The following TRIM45 variants were observed in gnomAD, a reference collection of about 807,000 sequenced individuals.
TRIM45 encodes tripartite motif containing 45.
In TRIM45, 45 loss-of-function variants were observed where a neutral mutation model predicts 46.7. The ratio of observed to expected loss-of-function variants is 0.96; its 90% confidence interval spans 0.76 to 1.24. The LOEUF (loss-of-function observed/expected upper bound fraction) is 1.24. TRIM45 is among the 50% of genes most tolerant of loss of function. The pLI, the probability that TRIM45 is intolerant of heterozygous loss-of-function variation, is 0.00. For missense variants in TRIM45, 680 were observed against 728.4 expected (o/e 0.93, Z 0.77); for synonymous variants, 259 against 285.8 (o/e 0.91, Z 0.94).
chr1:117,121,305 C>T lies in TRIM45; in HGVS notation c.-104G>A, dbSNP rs1650619269. 2.2e-6 allele frequency: 3 copies of T among 1,390,164 alleles called. No homozygotes were observed. Among genetic ancestry groups the T allele is most frequent in the Admixed American group, 2.3e-5 (1 of 43,604 alleles). 86.1% of individuals were successfully genotyped at this position (1,390,164 alleles called of 1,614,324 possible). A position where few individuals can be genotyped will look rare whatever the true frequency, so the allele number is the denominator to read the frequency against. ...AAAGAGAAAGTCTCCAGAACTTGAA[C>T]AGAGACCATGGGGACTCCCTCGCTG... On this transcript the variant is annotated 5_prime_UTR_variant, in exon 1 of 6. Coordinates refer to ENST00000256649, the MANE Select transcript of TRIM45 (RefSeq NM_025188.4). This position sits in a 1 kb window ranked among gnomAD's most constrained non-coding sequence, Gnocchi z 4.2.
At position 117,116,825 on chromosome 1, in the gene TRIM45, A is replaced by T. The variant is rs1162143173; in HGVS notation, c.1223-80T>A. ...TCTCCATCTTGCTTTTTCTCTTCAG[A>T]ACAAAGGGTTGTACTTTACTGTAAC... On this transcript the variant is annotated intron_variant, in intron 2 of 5. Coordinates refer to ENST00000256649, the MANE Select transcript of TRIM45 (RefSeq NM_025188.4). The surrounding 1 kb of genome is among the most constrained non-coding windows in gnomAD (Gnocchi z 4.6). 200 of 1,588,708 alleles carry T rather than the reference A, an allele frequency of 1.3e-4. No homozygotes were observed. Among genetic ancestry groups the T allele is most frequent in the Non-Finnish European group, 2.3e-5 (27 of 1,163,608 alleles).
chr1:117,114,276 T>A (rs1014935552), intron 4 of TRIM45, among the ~76,000 whole-genome samples: 1 of 152,250 alleles, frequency 6.6e-6, no homozygotes, highest in African/African-American at 2.4e-5. Flanking sequence ...TAAGGATAAC[T>A]TTCGTTCTCT....
Position 117,113,246 on chromosome 1 carries a change from T to TC in TRIM45, c.1594+112dup. 1 of 1,437,996 alleles carries TC rather than the reference T, an allele frequency of 7.0e-7. No homozygotes were observed. The highest frequency in any genetic ancestry group is 9.4e-7 in the Non-Finnish European group (1 of 1,059,000). The allele number at this position is 1,437,996 out of a possible 1,614,324, so 89.1% of individuals were successfully genotyped here. ...TGTCTCTACAATCACAGACTGTGCT[T>TC]CCTAGAAACAGAGCCTAAGTCCAAA... On this transcript the variant is annotated intron_variant, in intron 5 of 5. Transcript: ENST00000256649. This position sits in a 1 kb window ranked among gnomAD's most constrained non-coding sequence, Gnocchi z 4.0.
Position 117,115,601 on chromosome 1 carries a change from C to A in TRIM45, c.1441G>T (p.Val481Phe), listed in dbSNP as rs1300653471. Residue 481 changes from valine (V) to phenylalanine (F), a missense_variant, in exon 4 of 6, where the codon GTC becomes TTC. Physicochemically the swap from Val to Phe is conservative, Grantham distance 50. Transcript: ENST00000256649. The surrounding 1 kb of genome is among the most constrained non-coding windows in gnomAD (Gnocchi z 4.2). Reference sequence around the variant, plus strand: ...TGCACATGCTGTTCTTTGATGCAGACCCACACAGTATAGACGCCAGGTTCC... The same window carrying A: ...TGCACATGCTGTTCTTTGATGCAGAACCACACAGTATAGACGCCAGGTTCC... The part of the protein sequence containing the change: ...PKEPGVYTVW[V>F]CIKEQHVQGS... The A allele has an allele frequency of 6.2e-7, 1 of 1,613,974 alleles. No homozygotes were observed. The highest frequency in any genetic ancestry group is 8.5e-7 in the Non-Finnish European group (1 of 1,179,968).
At position 117,116,615 on chromosome 1, in the gene TRIM45, C is replaced by T; in HGVS notation, c.1352+1G>A. 1 of 1,613,510 alleles carries T rather than the reference C, an allele frequency of 6.2e-7. No homozygotes were observed. Among genetic ancestry groups the T allele is most frequent in the African/African-American group, 1.3e-5 (1 of 74,984 alleles). ...ATGACACCTAATTGTGTCATACAAA[C>T]CTGTCTTTCTTATCTTTAGGGACAA... On this transcript the variant is annotated splice_donor_variant, in intron 3 of 5. Coordinates refer to ENST00000256649, the MANE Select transcript of TRIM45 (RefSeq NM_025188.4). LOFTEE classifies it high-confidence loss of function. The surrounding 1 kb of genome is among the most constrained non-coding windows in gnomAD (Gnocchi z 4.6).
chr1:117,113,417 G>A lies in TRIM45; in HGVS notation c.1536C>T (p.Thr512=). The change falls in exon 5 of 6, where the codon ACC becomes ACT. Residue 512 remains threonine (T), a synonymous_variant. Coordinates refer to ENST00000256649, the MANE Select transcript of TRIM45 (RefSeq NM_025188.4). This position sits in a 1 kb window ranked among gnomAD's most constrained non-coding sequence, Gnocchi z 4.0. ...RPHSGVFHCC[T]FCSSGGQKTA... ...TTTTCTGGCCCCCGCTGGAGCAGAAGGTGCAGCAGTGAAACACGCCTGAGT... is the reference window on the plus strand; with the variant it reads ...TTTTCTGGCCCCCGCTGGAGCAGAAAGTGCAGCAGTGAAACACGCCTGAGT... 1 of 1,612,532 alleles carries A rather than the reference G, an allele frequency of 6.2e-7. No homozygotes were observed. The highest frequency in any genetic ancestry group is 8.5e-7 in the Non-Finnish European group (1 of 1,179,968).
At position 117,116,315 on chromosome 1, in the gene TRIM45, C is replaced by T. The variant is rs1650396771; in HGVS notation, c.1352+301G>A. Among the ~76,000 whole-genome samples the T allele has an allele frequency of 6.6e-6, 1 of 151,638 alleles. No homozygotes were observed. The highest frequency in any genetic ancestry group is 2.1e-4 in the South Asian group (1 of 4,804). On this transcript the variant is annotated intron_variant, in intron 3 of 5. Coordinates refer to ENST00000256649, the MANE Select transcript of TRIM45 (RefSeq NM_025188.4). The surrounding 1 kb of genome is among the most constrained non-coding windows in gnomAD (Gnocchi z 4.6). ...CTGGCACAATCACAGCTCACTGCAA[C>T]CTCGACCTCCTGGGCTCAAGGGATC... is the stretch of plus-strand genomic sequence containing the variant.
chr1:117,122,963 T>G (rs34513357), upstream of TRIM45, among the ~76,000 whole-genome samples: 1 of 151,904 alleles, frequency 6.6e-6, no homozygotes, highest in African/African-American at 2.4e-5. Flanking sequence ...TCATTATCTG[T>G]TTCATGCTAT....
rs3841707 is a variant in TRIM45 at position 117,112,155 on chromosome 1, ATAAC to A, written c.*146_*149del. 248,133 of 793,512 alleles carry A rather than the reference ATAAC, an allele frequency of 0.31. 40,341 individuals are homozygous for A. The highest frequency in any genetic ancestry group is 0.37 in the Admixed American group (9,622 of 26,174). The allele number at this position is 793,512 out of a possible 1,614,324, so 49.2% of individuals were successfully genotyped here. A position where few individuals can be genotyped will look rare whatever the true frequency, so the allele number is the denominator to read the frequency against. On this transcript the variant is annotated 3_prime_UTR_variant, in exon 6 of 6. Transcript: ENST00000256649. ...AACCATCCACAAGTACAATCAGTGAATAACTAACAAAAGAGCACTTGAACTCCAG... is the reference window on the plus strand; with the variant it reads ...AACCATCCACAAGTACAATCAGTGAATAACAAAAGAGCACTTGAACTCCAG...
rs1050671376 is a variant in TRIM45 at position 117,117,310 on chromosome 1, T to G, written c.1223-565A>C. Reference sequence around the variant, plus strand: ...GGTCTATGGAAAGGCTTATGAAGAGTCTAAAAATCTGGAATTGTATGCACA... The same window carrying G: ...GGTCTATGGAAAGGCTTATGAAGAGGCTAAAAATCTGGAATTGTATGCACA... On this transcript the variant is annotated intron_variant, in intron 2 of 5. Coordinates refer to ENST00000256649, the MANE Select transcript of TRIM45 (RefSeq NM_025188.4). This position sits in a 1 kb window ranked among gnomAD's most constrained non-coding sequence, Gnocchi z 4.9. Among the ~76,000 whole-genome samples the G allele has an allele frequency of 6.6e-5, 10 of 152,044 alleles. No homozygotes were observed. Among genetic ancestry groups the G allele is most frequent in the African/African-American group, 2.4e-4 (10 of 41,486 alleles).
At position 117,118,668 on chromosome 1, in the gene TRIM45, T is replaced by C; in HGVS notation, c.588A>G (p.Ala196=). Residue 196 remains alanine (A), a synonymous_variant, in exon 2 of 6, where the codon GCA becomes GCG. Coordinates refer to ENST00000256649, the MANE Select transcript of TRIM45 (RefSeq NM_025188.4). The surrounding 1 kb of genome is among the most constrained non-coding windows in gnomAD (Gnocchi z 5.7). ...GKPILCPVHP[A]EELRLFCEFC... is the part of the protein sequence containing the mutation. Reference sequence around the variant, plus strand: ...ACTCACAGAACAGCCTCAGTTCCTCTGCAGGGTGAACAGGACACAGGATGG... The same window carrying C: ...ACTCACAGAACAGCCTCAGTTCCTCCGCAGGGTGAACAGGACACAGGATGG... 1 of 1,613,982 alleles carries C rather than the reference T, an allele frequency of 6.2e-7. No individual in the cohort carries two copies. Among genetic ancestry groups the C allele is most frequent in the Non-Finnish European group, 8.5e-7 (1 of 1,180,036 alleles).
rs531683437 is a variant in TRIM45 at position 117,115,528 on chromosome 1, G to C, written c.1467+47C>G. On this transcript the variant is annotated intron_variant, in intron 4 of 5. Coordinates refer to ENST00000256649, the MANE Select transcript of TRIM45 (RefSeq NM_025188.4). The surrounding 1 kb of genome is among the most constrained non-coding windows in gnomAD (Gnocchi z 4.2). ...TATGTGAAATGTCTCCAGATCCTAA[G>C]ACAGTAGAATCCAGGGAGCTCAGGG... The C allele has an allele frequency of 2.2e-5, 29 of 1,315,142 alleles. No individual in the cohort carries two copies. In the African/African-American group the frequency reaches 3.9e-4, roughly 18 times the overall value. The allele number at this position is 1,315,142 out of a possible 1,614,324, so 81.5% of individuals were successfully genotyped here.
chr1:117,120,603 T>A (rs1183691816), intron 1 of TRIM45, 111 bp downstream of exon 1: 1 of 1,456,818 alleles, frequency 6.9e-7, no homozygotes, highest in Non-Finnish European at 9.2e-7. Flanking sequence ...TCTTTGACCT[T>A]CCACGGTATT....
chr1:117,116,686 C>A lies in TRIM45; in HGVS notation c.1282G>T (p.Ala428Ser), dbSNP rs750775744. The A allele has an allele frequency of 5.0e-6, 8 of 1,614,092 alleles. No individual in the cohort carries two copies. The highest frequency in any genetic ancestry group is 5.9e-6 in the Non-Finnish European group (7 of 1,180,010). The part of the protein sequence containing the change: ...ASFTLLCKDA[A>S]GEIMGRGGDN... ...CCTCCCCTGCCCATGATTTCTCCTGCGGCATCCTTACAAAGCAGGGTGAAA... is the reference window on the plus strand; with the variant it reads ...CCTCCCCTGCCCATGATTTCTCCTGAGGCATCCTTACAAAGCAGGGTGAAA... The change falls in exon 3 of 6, where the codon GCA (alanine) becomes TCA (serine). Residue 428 changes from alanine (A) to serine (S), a missense_variant. By Grantham distance (99) the Ala-to-Ser change is moderately conservative. This residue lies in a region of TRIM45 where 322 missense variants were observed against 359.3 expected (regional missense o/e 0.90). Coordinates refer to ENST00000256649, the MANE Select transcript of TRIM45 (RefSeq NM_025188.4). The surrounding 1 kb of genome is among the most constrained non-coding windows in gnomAD (Gnocchi z 4.6).
chr1:117,119,873 A>G (rs1277966580), intron 1 of TRIM45, among the ~76,000 whole-genome samples: 1 of 152,226 alleles, frequency 6.6e-6, no homozygotes, highest in African/African-American at 2.4e-5. Flanking sequence ...TCACATAATT[A>G]CAAGTTAAAA....
At position 117,116,262 on chromosome 1, in the gene TRIM45, C is replaced by A. The variant is rs532078203; in HGVS notation, c.1352+354G>T. ...TTTTTTTTTTTTTTGGACCTGGGGT[C>A]TTGCTCTGTTGCCCAGGCTGGAGTG... is the stretch of plus-strand genomic sequence containing the variant. On this transcript the variant is annotated intron_variant, in intron 3 of 5. Coordinates refer to ENST00000256649, the MANE Select transcript of TRIM45 (RefSeq NM_025188.4). The surrounding 1 kb of genome is among the most constrained non-coding windows in gnomAD (Gnocchi z 4.6). Among the ~76,000 whole-genome samples, 1 of 149,762 alleles carries A rather than the reference C, an allele frequency of 6.7e-6. No individual in the cohort carries two copies. Among genetic ancestry groups the A allele is most frequent in the African/African-American group, 2.5e-5 (1 of 40,586 alleles).
chr1:117,120,843 T>C lies in TRIM45; in HGVS notation c.359A>G (p.Asp120Gly). The C allele has an allele frequency of 6.2e-7, 1 of 1,614,192 alleles. No homozygotes were observed. The highest frequency in any genetic ancestry group is 8.5e-7 in the Non-Finnish European group (1 of 1,180,040). ...ALTIDHLAVN[D>G]VMLESLRGEG... is the part of the protein sequence containing the mutation. ...CCCACGTAGGCTCTCCAGCATCACA[T>C]CATTCACGGCCAGGTGGTCTATGGT... Residue 120 changes from aspartate to glycine, a missense_variant, in exon 1 of 6, where the codon GAT (aspartate) becomes GGT (glycine). Asp to Gly is a moderately conservative substitution (Grantham distance 94, BLOSUM62 -1). Coordinates refer to ENST00000256649, the MANE Select transcript of TRIM45 (RefSeq NM_025188.4).
At position 117,112,032 on chromosome 1, in the gene TRIM45, C is replaced by A. The variant is rs968621736; in HGVS notation, c.*273G>T. On this transcript the variant is annotated 3_prime_UTR_variant, in exon 6 of 6. Coordinates refer to ENST00000256649, the MANE Select transcript of TRIM45 (RefSeq NM_025188.4). The stretch of plus-strand genomic sequence containing the variant: ...CCCTTCAGTGCCAATGGAATAGATA[C>A]CTCCATACTGTACAAAATGAAAAGG... The A allele has an allele frequency of 3.2e-6, 1 of 311,454 alleles. No homozygotes were observed. Among genetic ancestry groups the A allele is most frequent in the Non-Finnish European group, 5.8e-6 (1 of 172,982 alleles). 19.3% of individuals were successfully genotyped at this position (311,454 alleles called of 1,614,324 possible).
Position 117,121,546 on chromosome 1 carries a change from G to GCCACCCC in TRIM45, c.-352_-346dup. 1 of 507,380 alleles carries GCCACCCC rather than the reference G, an allele frequency of 2.0e-6. No individual in the cohort carries two copies. The highest frequency in any genetic ancestry group is 3.5e-6 in the Non-Finnish European group (1 of 288,398). 31.4% of individuals were successfully genotyped at this position (507,380 alleles called of 1,614,324 possible). ...CCCTGCACCTCTCGCTCCCTCCACT[G>GCCACCCC]CCACCCCCCTCCCGCCGCCCGCCCC... On this transcript the variant is annotated 5_prime_UTR_variant, in exon 1 of 6. Coordinates refer to ENST00000256649, the MANE Select transcript of TRIM45 (RefSeq NM_025188.4). This position sits in a 1 kb window ranked among gnomAD's most constrained non-coding sequence, Gnocchi z 4.2.
Sources: allele counts gnomAD v4.1 joint callset (sites outside exome capture counted in the v4.1 genomes callset), GRCh38; gene constraint gnomAD v4.1.1; regional missense constraint gnomAD v4.1.1; non-coding constraint Gnocchi (gnomAD v3.1); transcripts MANE v1.5; gene names NCBI Gene and HGNC (gene_info 2026-07-23, HGNC 2026-07-21).